Variants in PCDHGA8 observed in about 807,000 individuals in gnomAD.
PCDHGA8 encodes protocadherin gamma-A8.
Under a neutral mutation model 59.2 loss-of-function variants are expected in PCDHGA8, and 45 were observed. That is an observed-to-expected ratio of 0.76 (90% CI 0.60 to 0.98). The LOEUF (loss-of-function observed/expected upper bound fraction) is 0.98, where lower values mean the gene tolerates loss of function less well. Among genes scored for constraint, PCDHGA8 ranks in the 50% least tolerant of loss-of-function variants. PCDHGA8 has a pLI of 0.00. For missense variants in PCDHGA8, 1,257 were observed against 1,196.2 expected, an observed-to-expected ratio of 1.05 and a Z score of -0.75; for synonymous variants, 531 against 519.0, an observed-to-expected ratio of 1.02 and a Z score of -0.32.
chr5:141,506,165 C>T (rs1359711670), intron 3 of PCDHGA8, among the ~76,000 whole-genome samples: 8 of 152,038 alleles, frequency 5.3e-5, no homozygotes, highest in South Asian at 2.1e-4. Context: ...AAGAGCACAG[C>T]CTAAGCTGGG....
At position 141,420,872 on chromosome 5, in the gene PCDHGA8, G is replaced by A. The variant is rs575322685; in HGVS notation, c.2424+25635G>A. 3.3e-5 allele frequency among the ~76,000 whole-genome samples: 5 copies of A among 152,328 alleles called. No homozygotes were observed. The East Asian group carries it at 7.7e-4, about 24-fold the overall frequency. On this transcript the variant is annotated intron_variant, in intron 1 of 3. Coordinates refer to ENST00000398604, the MANE Select transcript of PCDHGA8 (RefSeq NM_032088.2). ...AAAGTTTTAACGTCACATAATGTAA[G>A]TATTGTGTATCATCGTTTTTAAGCT...
intron 1 of PCDHGA8, among the ~76,000 whole-genome samples, chr5:141,484,211 G>A (rs1362875959): frequency 6.6e-6 from 1 of 152,158 alleles, no homozygotes; most frequent in Non-Finnish European, 1.5e-5. Context: ...ATGAACATTA[G>A]CATTCTGCCA....
chr5:141,419,269 C>G (rs1456612499), intron 1 of PCDHGA8: 1 of 1,614,034 alleles, frequency 6.2e-7, no homozygotes, highest in Admixed American at 1.7e-5. Flanking sequence ...CGGGTGCCTC[C>G]ATAGCGCAAG....
At chr5:141,498,971 G>A (rs866066098) in intron 2 of PCDHGA8, among the ~76,000 whole-genome samples, 16 of 111,052 alleles carry the variant, frequency 1.4e-4, no homozygotes, top group African/African-American at 2.5e-4. Context: ...GAGGGAGGGA[G>A]GGAAGGAAGG....
chr5:141,421,195 G>C (rs1305388921), intron 1 of PCDHGA8: 2 of 1,504,878 alleles, frequency 1.3e-6, no homozygotes, highest in Non-Finnish European at 1.8e-6. Context: ...CAACCAGCTC[G>C]AGAAACCGCG....
At position 141,419,994 on chromosome 5, in the gene PCDHGA8, C is replaced by T. The variant is rs757658202; in HGVS notation, c.2424+24757C>T. 1.9e-6 allele frequency: 3 copies of T among 1,614,072 alleles called. No homozygotes were observed. Among genetic ancestry groups the T allele is most frequent in the East Asian group, 4.5e-5 (2 of 44,884 alleles). ...CTCCTCGCGGTGATTCTAGCTATTG[C>T]TCTACGCCTGCGACAGTCTTTCAGC... On this transcript the variant is annotated intron_variant, in intron 1 of 3. Coordinates refer to ENST00000398604, the MANE Select transcript of PCDHGA8 (RefSeq NM_032088.2).
At chr5:141,414,334 A>C in intron 1 of PCDHGA8, 1 of 1,613,782 alleles carries the variant, frequency 6.2e-7, no homozygotes, top group Non-Finnish European at 8.5e-7. Flanking sequence ...TGGACAGGTA[A>C]CCTGTTCCAT....
chr5:141,505,681 G>A (rs113733387), intron 3 of PCDHGA8, among the ~76,000 whole-genome samples, 200 bp downstream of exon 3: 92 of 152,324 alleles, frequency 6.0e-4, no homozygotes, highest in African/African-American at 2.1e-3. Flanking sequence ...GGGGTCCTGG[G>A]ATGCCTGGAG....
chr5:141,422,087 G>A, intron 1 of PCDHGA8: 6 of 1,611,966 alleles, frequency 3.7e-6, no homozygotes, highest in Non-Finnish European at 5.1e-6. Context: ...AACATGGAAA[G>A]CAAGGCTTCT....
At position 141,404,906 on chromosome 5, in the gene PCDHGA8, C is replaced by A. The variant is rs776779922; in HGVS notation, c.2424+9669C>A. 1 of 1,613,864 alleles carries A rather than the reference C, an allele frequency of 6.2e-7. No homozygotes were observed. The highest frequency in any genetic ancestry group is 8.5e-7 in the Non-Finnish European group (1 of 1,179,858). ...GGTGGCTGTACAGGACCATGGCCAGCCCCCTCTCTCGGCCACTGTCACGCT... is the reference window on the plus strand; with the variant it reads ...GGTGGCTGTACAGGACCATGGCCAGACCCCTCTCTCGGCCACTGTCACGCT... On this transcript the variant is annotated intron_variant, in intron 1 of 3. Transcript: ENST00000398604.
At position 141,447,890 on chromosome 5, in the gene PCDHGA8, A is replaced by AC. The variant is rs1252174829; in HGVS notation, c.2425-46917_2425-46916insC. On this transcript the variant is annotated intron_variant, in intron 1 of 3. Transcript: ENST00000398604. ...CATCTGAGGTCAGGAGTTCGAGACCAGCCTGGCCAACATGGTGAAACTCTG... is the reference window on the plus strand; with the variant it reads ...CATCTGAGGTCAGGAGTTCGAGACCACGCCTGGCCAACATGGTGAAACTCTG... 1.3e-5 allele frequency among the ~76,000 whole-genome samples: 2 copies of AC among 152,146 alleles called. 1 individual carries two copies. The highest frequency in any genetic ancestry group is 4.8e-5 in the African/African-American group (2 of 41,434).
intron 1 of PCDHGA8, chr5:141,421,344 G>A: frequency 6.2e-7 from 1 of 1,613,976 alleles, no homozygotes; most frequent in Non-Finnish European, 8.5e-7. Context: ...TGCCAGAAGA[G>A]ACCGAAAAGG....
intron 1 of PCDHGA8, among the ~76,000 whole-genome samples, chr5:141,401,408 A>G (rs943963302): frequency 6.6e-6 from 1 of 152,200 alleles, no homozygotes; most frequent in Non-Finnish European, 1.5e-5. Flanking sequence ...TATGAGAGAG[A>G]AAGAGAGAGA....
At chr5:141,421,619 C>G in intron 1 of PCDHGA8, 1 of 1,613,694 alleles carries the variant, frequency 6.2e-7, no homozygotes, top group Non-Finnish European at 8.5e-7. Flanking sequence ...AATGATAACG[C>G]CCCCAGCTTC....
chr5:141,404,164 G>A, intron 1 of PCDHGA8: 2 of 1,613,126 alleles, frequency 1.2e-6, no homozygotes, highest in South Asian at 2.2e-5. Context: ...ATTACAGATT[G>A]TTGACGGCCC....
In PCDHGA8 at chr5:141,395,071, A is replaced by G. The variant is rs767254764; in HGVS notation, c.2258A>G (p.Tyr753Cys). 27 of 1,614,100 alleles carry G rather than the reference A, an allele frequency of 1.7e-5. No individual in the cohort carries two copies. Among genetic ancestry groups the G allele is most frequent in the East Asian group, 2.2e-5 (1 of 44,880 alleles). The stretch of plus-strand genomic sequence containing the variant: ...GAGGTACAGGCTTTCCTGCAGACCT[A>G]TTCCCAGGAAGTCTCCCTCACCGCC... The part of the protein sequence containing the change: ...VEEVQAFLQT[Y>C]SQEVSLTADS... Residue 753 changes from tyrosine to cysteine, a missense_variant, in exon 1 of 4, where the codon TAT (tyrosine) becomes TGT (cysteine). Tyr to Cys is a radical substitution (Grantham distance 194). Transcript: ENST00000398604.
In PCDHGA8 at chr5:141,477,116, G is replaced by A. The variant is rs771557201; in HGVS notation, c.2425-17691G>A. ...AGACAAGGGCGCCAATCCCGAAGGA[G>A]CACATTGCAAAGTGTTGGTGGAGGT... On this transcript the variant is annotated intron_variant, in intron 1 of 3. Transcript: ENST00000398604. This position sits in a 1 kb window ranked among gnomAD's most constrained non-coding sequence, Gnocchi z 4.9. 1 of 1,614,252 alleles carries A rather than the reference G, an allele frequency of 6.2e-7. No homozygotes were observed. The highest frequency in any genetic ancestry group is 8.5e-7 in the Non-Finnish European group (1 of 1,180,052).
chr5:141,477,607 G>A lies in PCDHGA8; in HGVS notation c.2425-17200G>A, dbSNP rs1223703956. ...ATGCTCGGCTTTCTTTCTTTCTCTT[G>A]GAGCAAGGAGCTGAAACCGGGCTAG... is the stretch of plus-strand genomic sequence containing the variant. On this transcript the variant is annotated intron_variant, in intron 1 of 3. Coordinates refer to ENST00000398604, the MANE Select transcript of PCDHGA8 (RefSeq NM_032088.2). The surrounding 1 kb of genome is among the most constrained non-coding windows in gnomAD (Gnocchi z 4.9). 2 of 1,614,028 alleles carry A rather than the reference G, an allele frequency of 1.2e-6. No individual in the cohort carries two copies. The highest frequency in any genetic ancestry group is 3.3e-5 in the Admixed American group (2 of 60,000).
intron 1 of PCDHGA8, chr5:141,421,492 G>C: frequency 1.7e-5 from 28 of 1,614,106 alleles, no homozygotes; most frequent in Non-Finnish European, 2.3e-5. Flanking sequence ...GATCACGGCA[G>C]GCAGGATAGA....
Sources: allele counts gnomAD v4.1 joint callset (sites outside exome capture counted in the v4.1 genomes callset), GRCh38; gene constraint gnomAD v4.1.1; non-coding constraint Gnocchi (gnomAD v3.1); transcripts MANE v1.5; gene names NCBI Gene and HGNC (gene_info 2026-07-23, HGNC 2026-07-21).